Variants in AGL observed in about 807,000 individuals in gnomAD.
AGL encodes the protein glycogen debranching enzyme.
Under a neutral mutation model 199.3 loss-of-function variants are expected in AGL, and 128 were observed. The ratio of observed to expected loss-of-function variants is 0.64; its 90% CI spans 0.56 to 0.74. AGL has a LOEUF of 0.74. Among genes scored for constraint, AGL ranks in the 30% least tolerant of loss-of-function variants. The pLI is 0.00. For missense variants in AGL, 1,809 were observed against 1,820.8 expected (o/e 0.99, Z 0.12); for synonymous variants, 584 against 594.7 (o/e 0.98, Z 0.26).
At chr1:99,907,680 G>GTTTTTTTTTTTT (rs1553191673) in intron 27 of AGL, among the ~76,000 whole-genome samples, 7 of 47,034 alleles carry the variant, frequency 1.5e-4, no homozygotes, top group African/African-American at 3.8e-4. Context: ...TTGTTCGTTT[G>GTTTTTTTTTTTT]TTTTTGTTTT....
intron 2 of AGL, among the ~76,000 whole-genome samples, chr1:99,853,693 G>T (rs1170003581): frequency 6.6e-6 from 1 of 151,910 alleles, no homozygotes; most frequent in African/African-American, 2.4e-5. Context: ...TTCATGGTCA[G>T]CCTGGACAAC....
At chr1:99,902,658 G>A (rs766294411) in intron 26 of AGL, 25 bp from the exon 27 acceptor site, 2 of 1,536,246 alleles carry the variant, frequency 1.3e-6, no homozygotes, top group Non-Finnish European at 1.8e-6. Context: ...TCTAACAGAG[G>A]TAACACCCAT....
chr1:99,921,943 A>G lies in AGL; in HGVS notation c.*292A>G, dbSNP rs541731841. 29 of 227,612 alleles carry G rather than the reference A, an allele frequency of 1.3e-4. No homozygotes were observed. The highest frequency in any genetic ancestry group is 1.5e-3 in the Middle Eastern group (1 of 652). The allele number at this position is 227,612 out of a possible 1,614,324, so 14.1% of individuals were successfully genotyped here. A position where few individuals can be genotyped will look rare whatever the true frequency, so the allele number is the denominator to read the frequency against. On this transcript the variant is annotated 3_prime_UTR_variant, in exon 34 of 34. Coordinates refer to ENST00000361915, the MANE Select transcript of AGL (RefSeq NM_000642.3). ...GAAAAGAAAAATCATGTCATCTTCT[A>G]TTTGTACAGAAATGAAAATAAAATA...
At chr1:99,913,833 T>TA (rs1218068822) in intron 30 of AGL, 95 bp downstream of exon 30, 29 of 1,175,950 alleles carry the variant, frequency 2.5e-5, no homozygotes, top group Non-Finnish European at 3.7e-5. Flanking sequence ...ACTTCATTGC[T>TA]AAAAAGTAGT....
chr1:99,853,839 A>G (rs577531873), intron 2 of AGL, among the ~76,000 whole-genome samples: 100 of 152,132 alleles, frequency 6.6e-4, no homozygotes, highest in Admixed American at 2.6e-4. Flanking sequence ...GTAGTGAGCT[A>G]TGATCCCACC....
At chr1:99,900,538 A>G in intron 25 of AGL, 98 bp from the exon 26 acceptor site, 1 of 1,086,718 alleles carries the variant, frequency 9.2e-7, no homozygotes, top group Non-Finnish European at 1.4e-6. Context: ...CAAGAGAGAA[A>G]ACGCATTCAA....
At chr1:99,880,925 A>G (rs1651963559) in intron 14 of AGL, 130 bp downstream of exon 14, 2 of 1,288,806 alleles carry the variant, frequency 1.6e-6, no homozygotes, top group Non-Finnish European at 1.1e-6. Context: ...TTTATAATAC[A>G]TAGTTTTCAG....
intron 27 of AGL, among the ~76,000 whole-genome samples, chr1:99,910,154 A>G (rs566821430): frequency 1.3e-5 from 2 of 152,272 alleles, no homozygotes; most frequent in Admixed American, 1.3e-4. Flanking sequence ...ATATTGGGTA[A>G]GGGTGAAGTC....
chr1:99,900,004 A>G (rs138672978), intron 25 of AGL, among the ~76,000 whole-genome samples: 2,376 of 151,280 alleles, frequency 0.016, 27 homozygotes, highest in Non-Finnish European at 0.024. Flanking sequence ...ATCTCAGCTC[A>G]CTGCAACCTC....
chr1:99,900,787 C>G lies in AGL; in HGVS notation c.3514C>G (p.Leu1172Val), dbSNP rs750161111. The change falls in exon 26 of 34, where the codon CTA becomes GTA. Residue 1172 changes from leucine (L) to valine (V), a missense_variant. Coordinates refer to ENST00000361915, the MANE Select transcript of AGL (RefSeq NM_000642.3). Reference protein sequence around the residue: ...QDYCKMVPNGLDILKCPVSRM... With the variant: ...QDYCKMVPNGVDILKCPVSRM... The stretch of plus-strand genomic sequence containing the variant: ...TTACTGTAAAATGGTTCCAAATGGT[C>G]TAGACATTCTCAAGTGCCCAGTTTC... 6.2e-7 allele frequency: 1 copy of G among 1,613,884 alleles called. No individual in the cohort carries two copies. The highest frequency in any genetic ancestry group is 8.5e-7 in the Non-Finnish European group (1 of 1,179,954).
intron 7 of AGL, among the ~76,000 whole-genome samples, chr1:99,872,802 C>T (rs1163885482): frequency 6.6e-6 from 1 of 152,230 alleles, no homozygotes; most frequent in Admixed American, 6.5e-5. Flanking sequence ...ACTGGGATTA[C>T]AGGCGTGAGC....
chr1:99,856,782 A>T (rs1383829311), intron 2 of AGL, among the ~76,000 whole-genome samples: 1 of 152,246 alleles, frequency 6.6e-6, no homozygotes, highest in Non-Finnish European at 1.5e-5. Context: ...GATCAACAGC[A>T]TCCCAAGGCA....
In AGL at chr1:99,923,248, A is replaced by G. The variant is rs577668667; in HGVS notation, c.*1597A>G. On this transcript the variant is annotated 3_prime_UTR_variant, in exon 34 of 34. Coordinates refer to ENST00000361915, the MANE Select transcript of AGL (RefSeq NM_000642.3). The stretch of plus-strand genomic sequence containing the variant: ...TCTTCTTCAGTTCCTTCCTTGTTCA[A>G]TATATACCCTTCTCTAAACTGTGCG... 7 of 152,230 alleles carry G rather than the reference A, an allele frequency of 4.6e-5. No homozygotes were observed. Among genetic ancestry groups the G allele is most frequent in the South Asian group, 4.1e-4 (2 of 4,826 alleles). The allele number at this position is 152,230 out of a possible 1,614,324, so 9.4% of individuals were successfully genotyped here. A position where few individuals can be genotyped will look rare whatever the true frequency, so the allele number is the denominator to read the frequency against.
At chr1:99,852,775 A>T in intron 2 of AGL, 1 of 775,788 alleles carries the variant, frequency 1.3e-6, no homozygotes, top group Non-Finnish European at 2.4e-6. Context: ...TAATACATGA[A>T]TTTTTTGTGA....
At chr1:99,872,439 T>C (rs1157409833) in intron 7 of AGL, among the ~76,000 whole-genome samples, 1 of 152,140 alleles carries the variant, frequency 6.6e-6, no homozygotes, top group Non-Finnish European at 1.5e-5. Flanking sequence ...TCACAGCAAG[T>C]TATACCAACT....
chr1:99,885,600 G>T (rs1181643931), intron 20 of AGL, among the ~76,000 whole-genome samples: 1 of 152,054 alleles, frequency 6.6e-6, no homozygotes, highest in Admixed American at 6.6e-5. Flanking sequence ...CCTGAACTCT[G>T]CCTCCTGTCA....
At chr1:99,891,809 T>C (rs1652921483) in intron 23 of AGL, 70 bp downstream of exon 23, 3 of 1,587,124 alleles carry the variant, frequency 1.9e-6, no homozygotes, top group Non-Finnish European at 2.6e-6. Context: ...ACTTCATACA[T>C]GTTCTTAAAA....
chr1:99,861,736 G>A lies in AGL; in HGVS notation c.293+23G>A, dbSNP rs60661856. The A allele has an allele frequency of 1.0e-4, 164 of 1,610,870 alleles. 1 individual carries two copies. The African/African-American group carries it at 2.0e-3, about 19-fold the overall frequency. On this transcript the variant is annotated intron_variant, in intron 3 of 33. Coordinates refer to ENST00000361915, the MANE Select transcript of AGL (RefSeq NM_000642.3). ...AGGGTAAGTCAGGTGTTTTGTTTGT[G>A]AGAAAAAAAGTTAATTTGTTCTGTA...
intron 20 of AGL, among the ~76,000 whole-genome samples, chr1:99,886,609 C>T (rs1652473958): frequency 1.3e-5 from 2 of 152,180 alleles, no homozygotes; most frequent in South Asian, 4.1e-4. Context: ...TTAGCTGTTA[C>T]TAATCAAACT....
Sources: gnomAD v4.1 joint callset for allele counts (sites outside exome capture counted in the v4.1 genomes callset) on GRCh38, gnomAD v4.1.1 for gene constraint, MANE v1.5 for transcripts, NCBI Gene and HGNC (gene_info 2026-07-23, HGNC 2026-07-21) for gene names.